DNAH8: variants seen among roughly 807,000 people sequenced by gnomAD.
DNAH8 encodes dynein axonemal heavy chain 8.
A neutral mutation model predicts 562.1 loss-of-function variants in DNAH8; 382 were observed. The observed-to-expected ratio is 0.68, with a 90% CI of 0.63 to 0.74. DNAH8 has a LOEUF of 0.74. Ranked by LOEUF, DNAH8 falls within the 30% of genes least tolerant of loss-of-function variation. The probability of loss-of-function intolerance (pLI) is 0.00; values close to 1 mark genes in which losing one functional copy is unlikely to be tolerated. For synonymous variants in DNAH8, 1,881 were observed against 1,919.4 expected (o/e 0.98, Z 0.52); for missense variants, 5,203 against 5,620.4 (o/e 0.93, Z 2.37).
At chr6:38,955,251 G>A (rs1762167964) in intron 82 of DNAH8, among the ~76,000 whole-genome samples, 1 of 152,068 alleles carries the variant, frequency 6.6e-6, no homozygotes, top group Non-Finnish European at 1.5e-5. Context: ...TGGGATTACA[G>A]GCATGAACCA....
chr6:39,026,733 A>G, intron 92 of DNAH8, 66 bp downstream of exon 92: 2 of 1,567,416 alleles, frequency 1.3e-6, no homozygotes, highest in East Asian at 4.5e-5. Flanking sequence ...AGTTCTGCTT[A>G]AAACTGAGCT....
At chr6:38,791,518 G>T (rs374299605) in intron 20 of DNAH8, 37 bp from the exon 21 acceptor site, 5 of 1,586,464 alleles carry the variant, frequency 3.2e-6, no homozygotes, top group African/African-American at 2.7e-5. Context: ...CTAAAGGAAA[G>T]AAGAGTTTTT....
chr6:38,853,642 T>C lies in DNAH8; in HGVS notation c.5733+295T>C, dbSNP rs72852705. 0.12 allele frequency among the ~76,000 whole-genome samples: 18,813 copies of C among 152,154 alleles called. 1,408 individuals are homozygous for C. The highest frequency in any genetic ancestry group is 0.22 in the Admixed American group (3,310 of 15,262). The stretch of plus-strand genomic sequence containing the variant: ...GTAAGCGTGTGTGTGTGTGTGTATT[T>C]GTATACAGAAACTCCTCGACTTATG... On this transcript the variant is annotated intron_variant, in intron 41 of 92. Coordinates refer to ENST00000327475, the MANE Select transcript of DNAH8 (RefSeq NM_001206927.2).
intron 36 of DNAH8, 40 bp from the exon 37 acceptor site, chr6:38,848,608 T>C (rs1775488575): frequency 5.9e-6 from 9 of 1,530,942 alleles, no homozygotes; most frequent in Non-Finnish European, 6.3e-6. Context: ...ATTTTCTGAA[T>C]CTTCTTTGAA....
At position 38,882,902 on chromosome 6, in the gene DNAH8, T is replaced by G; in HGVS notation, c.7859-8T>G. On this transcript the variant is annotated splice_polypyrimidine_tract_variant and splice_region_variant and intron_variant, in intron 53 of 92. Coordinates refer to ENST00000327475, the MANE Select transcript of DNAH8 (RefSeq NM_001206927.2). ...TTCTATTAAGATGAAATTTTACTTA[T>G]TATATAGGTGATTGGGAGCACTGGA... The G allele has an allele frequency of 2.6e-6, 4 of 1,546,578 alleles. No homozygotes were observed. Among genetic ancestry groups the G allele is most frequent in the Non-Finnish European group, 3.5e-6 (4 of 1,151,478 alleles).
chr6:38,739,621 A>G (rs1764369459), intron 7 of DNAH8, among the ~76,000 whole-genome samples: 1 of 152,150 alleles, frequency 6.6e-6, no homozygotes, highest in African/African-American at 2.4e-5. Flanking sequence ...AGCCTGGGGA[A>G]CGCAGTGAGA....
In DNAH8 at chr6:38,923,082, T is replaced by C. The variant is rs1561867010; in HGVS notation, c.10687T>C (p.Cys3563Arg). The part of the protein sequence containing the change: ...KMDLLNDADT[C>R]RKKMQAASTL... ...GGATTTGCTTAATGACGCTGATACG[T>C]GCCGGAAAAAGATGCAGGCCGCCTC... is the stretch of plus-strand genomic sequence containing the variant. Residue 3563 changes from cysteine to arginine, a missense_variant, in exon 72 of 93, where the codon TGC becomes CGC. Physicochemically the swap from Cys to Arg is radical, Grantham distance 180. Transcript: ENST00000327475. 1 of 1,613,606 alleles carries C rather than the reference T, an allele frequency of 6.2e-7. No individual in the cohort carries two copies. The highest frequency in any genetic ancestry group is 1.7e-4 in the Middle Eastern group (1 of 6,054).
At chr6:38,853,409 T>C in intron 41 of DNAH8, 62 bp downstream of exon 41, 1 of 1,564,820 alleles carries the variant, frequency 6.4e-7, no homozygotes, top group Non-Finnish European at 8.7e-7. Flanking sequence ...GAAGGATGCT[T>C]AGCAGGTGGT....
At chr6:38,727,781 T>C (rs947993292) in intron 3 of DNAH8, among the ~76,000 whole-genome samples, 8 of 152,216 alleles carry the variant, frequency 5.3e-5, no homozygotes, top group African/African-American at 1.9e-4. Flanking sequence ...CTTTTACCCC[T>C]TCCCACTTTC....
chr6:38,770,951 C>A (rs1461101176), intron 12 of DNAH8, among the ~76,000 whole-genome samples: 1 of 152,132 alleles, frequency 6.6e-6, no homozygotes, highest in Non-Finnish European at 1.5e-5. Context: ...TCTTTCTGAG[C>A]CAGTGTATAT....
Position 38,949,525 on chromosome 6 carries a change from G to A in DNAH8, c.12203G>A (p.Gly4068Glu), listed in dbSNP as rs959738768. 7.4e-6 allele frequency: 12 copies of A among 1,612,868 alleles called. No individual in the cohort carries two copies. The highest frequency in any genetic ancestry group is 1.0e-5 in the Non-Finnish European group (12 of 1,178,972). ...CCAGAGGAGGAAATTATCCCTGATG[G>A]ATATAATGATTCACTAGATACCTGC... Reference protein sequence around the residue: ...DAPEEEIIPDGYNDSLDTCHK... With the variant: ...DAPEEEIIPDEYNDSLDTCHK... The change falls in exon 81 of 93, where the codon GGA (glycine) becomes GAA (glutamate). Residue 4068 changes from glycine (G) to glutamate (E), a missense_variant. Coordinates refer to ENST00000327475, the MANE Select transcript of DNAH8 (RefSeq NM_001206927.2).
chr6:38,814,284 A>T (rs1275650335), intron 25 of DNAH8, among the ~76,000 whole-genome samples, 155 bp downstream of exon 25: 1 of 152,218 alleles, frequency 6.6e-6, no homozygotes, highest in East Asian at 1.9e-4. Flanking sequence ...ATCTGTTATG[A>T]AAAAGCTACT....
At position 38,842,800 on chromosome 6, in the gene DNAH8, G is replaced by C. The variant is rs1774927748; in HGVS notation, c.4742G>C (p.Arg1581Thr). 1 of 1,613,798 alleles carries C rather than the reference G, an allele frequency of 6.2e-7. No homozygotes were observed. The highest frequency in any genetic ancestry group is 1.3e-5 in the African/African-American group (1 of 74,894). ...NKAMKQRHWD[R>T]ISELTGTPFD... ...GCCATGAAACAGAGACACTGGGATA[G>C]AATCTCCGAGTTAACTGGAACCCCA... The change falls in exon 35 of 93, where the codon AGA (arginine) becomes ACA (threonine). Residue 1581 changes from arginine (R) to threonine (T), a missense_variant. This residue lies in a region of DNAH8 where 2,176 missense variants were observed against 2,365.1 expected (regional missense o/e 0.92). Coordinates refer to ENST00000327475, the MANE Select transcript of DNAH8 (RefSeq NM_001206927.2).
rs906896980 is a variant in DNAH8 at position 38,772,756 on chromosome 6, C to T, written c.1764+2197C>T. On this transcript the variant is annotated intron_variant, in intron 12 of 92. Coordinates refer to ENST00000327475, the MANE Select transcript of DNAH8 (RefSeq NM_001206927.2). ...TTTGTTTTCTTTGTGTTTTTAATGTCATATCTAAGGAAGTGTTGTGTGGGG... is the reference window on the plus strand; with the variant it reads ...TTTGTTTTCTTTGTGTTTTTAATGTTATATCTAAGGAAGTGTTGTGTGGGG... Among the ~76,000 whole-genome samples the T allele has an allele frequency of 2.0e-5, 3 of 151,912 alleles. No individual in the cohort carries two copies. The East Asian group carries it at 5.8e-4, about 29-fold the overall frequency.
At chr6:38,734,400 G>A (rs1763917344) in intron 4 of DNAH8, 74 bp from the exon 5 acceptor site, 2 of 1,560,004 alleles carry the variant, frequency 1.3e-6, no homozygotes, top group Non-Finnish European at 1.7e-6. Flanking sequence ...AAACAATAGT[G>A]TAAGAGCCAC....
chr6:38,721,368 C>T (rs1339003964), intron 1 of DNAH8, among the ~76,000 whole-genome samples: 1 of 151,930 alleles, frequency 6.6e-6, no homozygotes, highest in Non-Finnish European at 1.5e-5. Context: ...ATTAGCCAGG[C>T]TGGTGGCATG....
intron 42 of DNAH8, among the ~76,000 whole-genome samples, chr6:38,860,136 C>T (rs1776502964): frequency 6.6e-6 from 1 of 152,084 alleles, no homozygotes. Flanking sequence ...TCTGAGTGCC[C>T]CTCTCAGATA....
chr6:38,973,652 T>G lies in DNAH8; in HGVS notation c.12526-9T>G. 2 of 1,556,364 alleles carry G rather than the reference T, an allele frequency of 1.3e-6. No homozygotes were observed. Among genetic ancestry groups the G allele is most frequent in the African/African-American group, 2.8e-5 (2 of 71,576 alleles). On this transcript the variant is annotated splice_polypyrimidine_tract_variant and intron_variant, in intron 83 of 92. Transcript: ENST00000327475. Reference sequence around the variant, plus strand: ...CAAGAAATAAATATGAACTTATTTTTGGATACAGGGTGGTTGGGTATTACT... The same window carrying G: ...CAAGAAATAAATATGAACTTATTTTGGGATACAGGGTGGTTGGGTATTACT...
At chr6:38,745,837 T>G (rs1264892428) in intron 8 of DNAH8, among the ~76,000 whole-genome samples, 1 of 152,208 alleles carries the variant, frequency 6.6e-6, no homozygotes. Flanking sequence ...CGTGAATACA[T>G]TGAGGTTATG....
Sources: gnomAD v4.1 joint callset for allele counts (sites outside exome capture counted in the v4.1 genomes callset) on GRCh38, gnomAD v4.1.1 for gene constraint, gnomAD v4.1.1 regional missense constraint, MANE v1.5 for transcripts, NCBI Gene and HGNC (gene_info 2026-07-23, HGNC 2026-07-21) for gene names.